STK32B: variants seen among roughly 807,000 people sequenced by gnomAD.
STK32B encodes the protein serine/threonine kinase 32B, also known as serine/threonine-protein kinase 32B.
In STK32B, 43 loss-of-function variants were observed where a neutral mutation model predicts 52.6. That is an observed-to-expected ratio of 0.82 (90% CI 0.64 to 1.05). STK32B has a LOEUF of 1.05. STK32B is among the 50% of genes least tolerant of loss of function. The probability of loss-of-function intolerance (pLI) is 0.00; values close to 1 mark genes in which losing one functional copy is unlikely to be tolerated. For synonymous variants in STK32B, 238 were observed against 204.3 expected (o/e 1.17, Z -1.41); for missense variants, 621 against 534.6 (o/e 1.16, Z -1.59).
chr4:5,105,416 C>A (rs1316817216), intron 1 of STK32B, among the ~76,000 whole-genome samples: 4 of 152,254 alleles, frequency 2.6e-5, no homozygotes, highest in African/African-American at 9.6e-5. Flanking sequence ...TATTTAGTCT[C>A]TTTTCTAATT....
At chr4:5,196,594 G>A (rs1338222896) in intron 3 of STK32B, among the ~76,000 whole-genome samples, 7 of 151,718 alleles carry the variant, frequency 4.6e-5, no homozygotes, top group African/African-American at 9.7e-5. Context: ...GGTGGCGCAC[G>A]CCTATAATCC....
At chr4:5,123,924 TA>T (rs1392463286) in intron 1 of STK32B, among the ~76,000 whole-genome samples, 1 of 152,188 alleles carries the variant, frequency 6.6e-6, no homozygotes, top group Non-Finnish European at 1.5e-5. Context: ...TCCTGCCTTT[TA>T]TTGATCACTT....
chr4:5,496,057 T>G (rs374116999), intron 11 of STK32B, among the ~76,000 whole-genome samples: 1 of 152,196 alleles, frequency 6.6e-6, no homozygotes, highest in African/African-American at 2.4e-5. Flanking sequence ...GCAGTCTGCC[T>G]GTTCTCAGAT....
chr4:5,358,700 T>C (rs28711866), intron 4 of STK32B, among the ~76,000 whole-genome samples: 22,907 of 112,688 alleles, frequency 0.2, 3,147 homozygotes, highest in African/African-American at 0.49. Flanking sequence ...TTCACACACA[T>C]GCACACACAC....
chr4:5,224,479 G>C (rs1034324001), intron 3 of STK32B, among the ~76,000 whole-genome samples: 1 of 152,202 alleles, frequency 6.6e-6, no homozygotes, highest in Non-Finnish European at 1.5e-5. Flanking sequence ...GCCCAATCAA[G>C]GATCCTCTGA....
chr4:5,253,673 C>T (rs944097607), intron 3 of STK32B, among the ~76,000 whole-genome samples: 4 of 152,060 alleles, frequency 2.6e-5, no homozygotes, highest in African/African-American at 7.2e-5. Flanking sequence ...CTGCACCCAG[C>T]CTGCAGAGTT....
At chr4:5,237,749 A>G (rs1208404931) in intron 3 of STK32B, among the ~76,000 whole-genome samples, 1 of 152,120 alleles carries the variant, frequency 6.6e-6, no homozygotes, top group East Asian at 1.9e-4. Context: ...TCCCCCCATC[A>G]TGGCCACCTC....
At chr4:5,352,706 C>G (rs1018186708) in intron 4 of STK32B, among the ~76,000 whole-genome samples, 7 of 149,620 alleles carry the variant, frequency 4.7e-5, no homozygotes, top group Non-Finnish European at 8.9e-5. Context: ...AACCGAAAGA[C>G]TGCACCAAAA....
intron 6 of STK32B, among the ~76,000 whole-genome samples, chr4:5,434,125 G>A (rs114811716): frequency 0.011 from 1,694 of 152,184 alleles, 20 homozygotes; most frequent in South Asian, 0.046. Flanking sequence ...CCCAGTGTCC[G>A]CCCAGTGTAT....
intron 3 of STK32B, among the ~76,000 whole-genome samples, chr4:5,182,061 C>A (rs1720405926): frequency 6.6e-6 from 1 of 152,230 alleles, no homozygotes; most frequent in African/African-American, 2.4e-5. Context: ...ATATTCATGG[C>A]ATCTTCATAT....
At chr4:5,402,459 T>G (rs574063481) in intron 5 of STK32B, among the ~76,000 whole-genome samples, 1 of 152,346 alleles carries the variant, frequency 6.6e-6, no homozygotes, top group African/African-American at 2.4e-5. Context: ...CAAAGGTCAT[T>G]TATGATGACC....
intron 3 of STK32B, among the ~76,000 whole-genome samples, chr4:5,315,686 T>TTC (rs10637486): frequency 0.12 from 15,978 of 128,916 alleles, 2,205 homozygotes; most frequent in African/African-American, 0.37. Context: ...CTTTTTCTTT[T>TTC]TTTTTTTTTT....
At chr4:5,125,574 A>T (rs1423498064) in intron 1 of STK32B, among the ~76,000 whole-genome samples, 2 of 152,218 alleles carry the variant, frequency 1.3e-5, no homozygotes, top group African/African-American at 4.8e-5. Context: ...GGAGATGCCC[A>T]GCAGGCTGAG....
chr4:5,137,676 G>C (rs1250703929), intron 1 of STK32B, among the ~76,000 whole-genome samples: 2 of 152,202 alleles, frequency 1.3e-5, no homozygotes, highest in Admixed American at 1.3e-4. Flanking sequence ...ACTGAATAGA[G>C]CTGTATTGTG....
intron 3 of STK32B, among the ~76,000 whole-genome samples, chr4:5,322,844 C>T (rs1231889134): frequency 6.6e-6 from 1 of 152,212 alleles, no homozygotes; most frequent in Non-Finnish European, 1.5e-5. Context: ...CCCCCAGCAA[C>T]AGGCACTGCC....
chr4:5,316,122 A>G (rs1176237015), intron 3 of STK32B, among the ~76,000 whole-genome samples: 2 of 124,028 alleles, frequency 1.6e-5, no homozygotes, highest in Admixed American at 1.0e-4. Flanking sequence ...ATATATATAT[A>G]TATTTTCAAG....
At position 5,419,911 on chromosome 4, in the gene STK32B, A is replaced by G. The variant is rs1048802880; in HGVS notation, c.562+2977A>G. Among the ~76,000 whole-genome samples, 4 of 152,224 alleles carry G rather than the reference A, an allele frequency of 2.6e-5. No homozygotes were observed. In the East Asian group the frequency reaches 5.8e-4, roughly 22 times the overall value. On this transcript the variant is annotated intron_variant, in intron 6 of 11. Coordinates refer to ENST00000282908, the MANE Select transcript of STK32B (RefSeq NM_018401.3). Reference sequence around the variant, plus strand: ...TGAAGTTTGACTATAAATACCTGCAATGGTATAAATAATAGGCAACTTGTT... The same window carrying G: ...TGAAGTTTGACTATAAATACCTGCAGTGGTATAAATAATAGGCAACTTGTT...
chr4:5,231,468 C>T (rs1274765217), intron 3 of STK32B, among the ~76,000 whole-genome samples: 1 of 152,018 alleles, frequency 6.6e-6, no homozygotes, highest in African/African-American at 2.4e-5. Context: ...AAAAAGTAGC[C>T]AGGCATGGTG....
intron 11 of STK32B, among the ~76,000 whole-genome samples, chr4:5,475,162 C>G (rs1718139939): frequency 6.6e-6 from 1 of 152,106 alleles, no homozygotes; most frequent in Non-Finnish European, 1.5e-5. Flanking sequence ...TGGCTCACAC[C>G]TGTAATCCTA....
Sources: allele counts gnomAD v4.1 joint callset (sites outside exome capture counted in the v4.1 genomes callset), GRCh38; gene constraint gnomAD v4.1.1; transcripts MANE v1.5; gene names NCBI Gene and HGNC (gene_info 2026-07-23, HGNC 2026-07-21).